Variants in GRM5 observed in about 807,000 individuals in gnomAD.
The protein encoded by GRM5 is glutamate metabotropic receptor 5.
Under a neutral mutation model 83.1 loss-of-function variants are expected in GRM5, and 19 were observed. The ratio of observed to expected loss-of-function variants is 0.23; its 90% CI spans 0.16 to 0.34. The LOEUF is 0.34. GRM5 is among the 10% of genes least tolerant of loss of function. GRM5 has a pLI of 1.00. For missense variants in GRM5, 1,160 were observed against 1,588.3 expected (o/e 0.73, Z 4.58); for synonymous variants, 675 against 633.6 (o/e 1.07, Z -0.98).
At chr11:88,774,675 G>C (rs1488887311) in intron 3 of GRM5, among the ~76,000 whole-genome samples, 1 of 152,176 alleles carries the variant, frequency 6.6e-6, no homozygotes, top group African/African-American at 2.4e-5. Context: ...GTTGAATTTT[G>C]ATGAAGGTCT....
At chr11:88,886,582 T>G (rs178395) in intron 2 of GRM5, among the ~76,000 whole-genome samples, 147,035 of 152,104 alleles carry the variant, frequency 0.97, 71,102 homozygotes, top group East Asian at 0.99. Context: ...TTCCTTTCAC[T>G]GAGGACTTAG....
intron 3 of GRM5, among the ~76,000 whole-genome samples, chr11:88,762,858 A>T (rs1353157166): frequency 1.3e-5 from 2 of 152,006 alleles, no homozygotes; most frequent in Non-Finnish European, 2.9e-5. Flanking sequence ...GAATGAGGTC[A>T]TGTCTTTTGC....
intron 8 of GRM5, among the ~76,000 whole-genome samples, chr11:88,532,116 A>G (rs1402414033): frequency 6.6e-6 from 1 of 152,136 alleles, no homozygotes. Flanking sequence ...TATTTCACAT[A>G]TGTCTTATGT....
chr11:88,676,157 TCAAA>T (rs1430640358), intron 3 of GRM5, among the ~76,000 whole-genome samples: 1 of 152,042 alleles, frequency 6.6e-6, no homozygotes, highest in Non-Finnish European at 1.5e-5. Context: ...TATAACACTC[TCAAA>T]CAATTCAGTT....
At chr11:88,947,389 G>C (rs370181308) in intron 2 of GRM5, among the ~76,000 whole-genome samples, 2 of 152,058 alleles carry the variant, frequency 1.3e-5, no homozygotes, top group African/African-American at 4.8e-5. Context: ...CTTCCACATA[G>C]GGATAAATGC....
Position 88,811,848 on chromosome 11 carries a change from C to T in GRM5, c.911+38058G>A, listed in dbSNP as rs189433487. On this transcript the variant is annotated intron_variant, in intron 3 of 9. Coordinates refer to ENST00000305447, the MANE Select transcript of GRM5 (RefSeq NM_001143831.3). ...TATCCTCTTCCAGGGGTACCATGCGCCAACTTACCCAGAGCTCAGTGGTAC... is the reference window on the plus strand; with the variant it reads ...TATCCTCTTCCAGGGGTACCATGCGTCAACTTACCCAGAGCTCAGTGGTAC... Among the ~76,000 whole-genome samples, 11 of 152,194 alleles carry T rather than the reference C, an allele frequency of 7.2e-5. No homozygotes were observed. In the South Asian group the frequency reaches 1.2e-3, roughly 17 times the overall value.
chr11:88,625,028 C>G (rs1307919948), intron 4 of GRM5, among the ~76,000 whole-genome samples: 1 of 152,024 alleles, frequency 6.6e-6, no homozygotes, highest in Non-Finnish European at 1.5e-5. Context: ...ATGACTGTAC[C>G]TCATATGTGA....
At chr11:88,862,340 T>C (rs1013453841) in intron 2 of GRM5, among the ~76,000 whole-genome samples, 3 of 152,172 alleles carry the variant, frequency 2.0e-5, no homozygotes, top group African/African-American at 4.8e-5. Context: ...TTGTTATATA[T>C]ATATTTTTTC....
chr11:88,551,338 T>C (rs1367070742), intron 8 of GRM5, among the ~76,000 whole-genome samples: 1 of 152,162 alleles, frequency 6.6e-6, no homozygotes, highest in African/African-American at 2.4e-5. Flanking sequence ...TTAAATCCTG[T>C]GATAGTTGCA....
chr11:88,635,578 A>T (rs964706684), intron 4 of GRM5, among the ~76,000 whole-genome samples: 12 of 151,944 alleles, frequency 7.9e-5, no homozygotes, highest in Non-Finnish European at 1.3e-4. Context: ...CATTTGTTTT[A>T]TGTTTTGAAT....
At chr11:88,861,102 A>G (rs1944554767) in intron 2 of GRM5, among the ~76,000 whole-genome samples, 1 of 152,194 alleles carries the variant, frequency 6.6e-6, no homozygotes, top group South Asian at 2.1e-4. Context: ...TCTTAAAATT[A>G]TAAATATAGC....
chr11:89,025,938 C>T (rs1591058994), intron 2 of GRM5, among the ~76,000 whole-genome samples: 1 of 152,174 alleles, frequency 6.6e-6, no homozygotes, highest in African/African-American at 2.4e-5. Flanking sequence ...AACTTAGATG[C>T]TCATCAACTG....
chr11:88,542,648 G>T lies in GRM5; in HGVS notation c.2631-17244C>A, dbSNP rs79798220. ...TTCTAGATACCTGGCATAGTACTTGGTTTTCTACTTGACATCCAGAAAATA... is the reference window on the plus strand; with the variant it reads ...TTCTAGATACCTGGCATAGTACTTGTTTTTCTACTTGACATCCAGAAAATA... On this transcript the variant is annotated intron_variant, in intron 8 of 9. Transcript: ENST00000305447. 1.3e-3 allele frequency among the ~76,000 whole-genome samples: 194 copies of T among 152,250 alleles called. 4 individuals are homozygous for T. The East Asian group carries it at 0.03, about 23-fold the overall frequency.
At chr11:88,814,572 A>G (rs1260284177) in intron 3 of GRM5, among the ~76,000 whole-genome samples, 1 of 152,172 alleles carries the variant, frequency 6.6e-6, no homozygotes, top group African/African-American at 2.4e-5. Flanking sequence ...GAATATTTCT[A>G]TATATATACT....
At chr11:88,688,513 G>A (rs1387712141) in intron 3 of GRM5, among the ~76,000 whole-genome samples, 1 of 152,022 alleles carries the variant, frequency 6.6e-6, no homozygotes, top group East Asian at 1.9e-4. Context: ...CTAAAAGTTG[G>A]AACTCTTAAA....
At chr11:88,530,384 T>A (rs1014910155) in intron 8 of GRM5, among the ~76,000 whole-genome samples, 1 of 152,004 alleles carries the variant, frequency 6.6e-6, no homozygotes, top group Non-Finnish European at 1.5e-5. Context: ...ACAATAGATT[T>A]AATAAATTTC....
chr11:88,993,296 G>A (rs1436286163), intron 2 of GRM5, among the ~76,000 whole-genome samples: 1 of 147,506 alleles, frequency 6.8e-6, no homozygotes, highest in Non-Finnish European at 1.5e-5. Context: ...CAAGTGTCCA[G>A]TTTCATTCTT....
Position 88,509,487 on chromosome 11 carries a change from A to G in GRM5, c.2744T>C (p.Val915Ala). Residue 915 changes from valine to alanine, a missense_variant, in exon 10 of 10, where the codon GTC (valine) becomes GCC (alanine). Physicochemically the swap from Val to Ala is moderately conservative, Grantham distance 64. Coordinates refer to ENST00000305447, the MANE Select transcript of GRM5 (RefSeq NM_001143831.3). ...ATMSSSNGKS[V>A]TWAQNEKSSR... ...GCTCTTCTCATTCTGGGCCCACGTG[A>G]CGGATTTTCCATTGGAACTGAGGAG... The G allele has an allele frequency of 6.2e-7, 1 of 1,611,804 alleles. No individual in the cohort carries two copies. The highest frequency in any genetic ancestry group is 1.1e-5 in the South Asian group (1 of 90,924).
chr11:88,547,676 G>A (rs1942415338), intron 8 of GRM5, among the ~76,000 whole-genome samples: 1 of 152,104 alleles, frequency 6.6e-6, no homozygotes, highest in African/African-American at 2.4e-5. Context: ...GAATAATGGA[G>A]GCTATAATAA....
Sources: gnomAD v4.1 joint callset for allele counts (sites outside exome capture counted in the v4.1 genomes callset) on GRCh38, gnomAD v4.1.1 for gene constraint, MANE v1.5 for transcripts, NCBI Gene and HGNC (gene_info 2026-07-23, HGNC 2026-07-21) for gene names.